The following NLN variants were observed in gnomAD, a reference collection of about 807,000 sequenced individuals.
NLN encodes the protein neurolysin.
In NLN, 64 loss-of-function variants were observed where a neutral mutation model predicts 79.9. The ratio of observed to expected loss-of-function variants is 0.80; its 90% confidence interval spans 0.65 to 0.99. The LOEUF (loss-of-function observed/expected upper bound fraction) is 0.99, where lower values mean the gene tolerates loss of function less well. Ranked by LOEUF, NLN falls within the 50% of genes least tolerant of loss-of-function variation. NLN has a pLI of 0.00. For missense variants in NLN, 835 were observed against 858.7 expected, an observed-to-expected ratio of 0.97 and a Z score of 0.34; for synonymous variants, 267 against 296.6, an observed-to-expected ratio of 0.90 and a Z score of 1.02.
At chr5:65,816,498 T>C (rs893398381) in intron 12 of NLN, among the ~76,000 whole-genome samples, 1 of 151,180 alleles carries the variant, frequency 6.6e-6, no homozygotes, top group Non-Finnish European at 1.5e-5. Context: ...AGTTTACCTA[T>C]GTAACAAACC....
chr5:65,786,097 G>A lies in NLN; in HGVS notation c.958+187G>A, dbSNP rs991949616. The A allele has an allele frequency of 1.3e-5, 6 of 467,430 alleles. No homozygotes were observed. In the Admixed American group the frequency reaches 1.5e-4, roughly 11 times the overall value. 29.0% of individuals were successfully genotyped at this position (467,430 alleles called of 1,614,324 possible). On this transcript the variant is annotated intron_variant, in intron 7 of 12. Coordinates refer to ENST00000380985, the MANE Select transcript of NLN (RefSeq NM_020726.5). The stretch of plus-strand genomic sequence containing the variant: ...GGACTGCTTATTGTTTATATTGCTA[G>A]TATAGGCCTGGCTTCACTGTATCTT...
intron 3 of NLN, among the ~76,000 whole-genome samples, chr5:65,766,210 G>A (rs1234137743): frequency 6.6e-6 from 1 of 152,174 alleles, no homozygotes; most frequent in African/African-American, 2.4e-5. Context: ...CAAGGTGTCT[G>A]TATTTGTCCA....
intron 8 of NLN, 109 bp downstream of exon 8, chr5:65,788,593 TGGGA>T: frequency 8.8e-7 from 1 of 1,139,218 alleles, no homozygotes; most frequent in Non-Finnish European, 1.3e-6. Context: ...CCCAACACTT[TGGGA>T]GGCCAAGGTG....
intron 1 of NLN, among the ~76,000 whole-genome samples, chr5:65,758,221 A>AT (rs1290447657): frequency 1.2e-4 from 18 of 152,104 alleles, no homozygotes; most frequent in African/African-American, 4.3e-4. Context: ...GGGCAACAGA[A>AT]TGAGACCCTG....
chr5:65,737,794 A>G (rs1009529380), intron 1 of NLN, among the ~76,000 whole-genome samples: 1 of 152,180 alleles, frequency 6.6e-6, no homozygotes, highest in African/African-American at 2.4e-5. Context: ...ATTTTATACC[A>G]AAGTTATTTA....
At chr5:65,820,318 A>G (rs1045415255) in intron 12 of NLN, among the ~76,000 whole-genome samples, 29 of 152,230 alleles carry the variant, frequency 1.9e-4, no homozygotes, top group Non-Finnish European at 3.5e-4. Context: ...CGAAATATTG[A>G]TGATTGAGAC....
intron 1 of NLN, among the ~76,000 whole-genome samples, chr5:65,752,385 G>T (rs898273036): frequency 3.3e-5 from 5 of 152,190 alleles, no homozygotes; most frequent in African/African-American, 4.8e-5. Flanking sequence ...TTAGACAACT[G>T]GAATCTCAGA....
intron 2 of NLN, among the ~76,000 whole-genome samples, chr5:65,760,729 T>A (rs1759318614): frequency 1.3e-5 from 2 of 152,258 alleles, no homozygotes; most frequent in Middle Eastern, 6.8e-3. Flanking sequence ...CCCAGGCTGG[T>A]CTCATGTATG....
intron 3 of NLN, among the ~76,000 whole-genome samples, chr5:65,768,780 A>T (rs1237662020): frequency 6.6e-6 from 1 of 152,164 alleles, no homozygotes; most frequent in Admixed American, 6.5e-5. Flanking sequence ...GGGGTACAGG[A>T]AGGCGAGGGG....
chr5:65,809,773 G>A, intron 10 of NLN, 72 bp downstream of exon 10: 1 of 1,220,022 alleles, frequency 8.2e-7, no homozygotes, highest in Non-Finnish European at 1.1e-6. Flanking sequence ...ACCTTCTTCT[G>A]TAGAACTTAT....
chr5:65,772,226 G>A (rs1349867514), intron 3 of NLN, among the ~76,000 whole-genome samples: 1 of 152,148 alleles, frequency 6.6e-6, no homozygotes, highest in East Asian at 1.9e-4. Flanking sequence ...CATGATGTGT[G>A]ATATTGATGT....
intron 1 of NLN, among the ~76,000 whole-genome samples, chr5:65,748,987 C>T (rs1379798594): frequency 1.3e-5 from 2 of 152,114 alleles, no homozygotes; most frequent in African/African-American, 2.4e-5. Flanking sequence ...GTGCTTTTCT[C>T]GTGATAGTGA....
At chr5:65,779,602 G>A (rs1759754520) in intron 4 of NLN, among the ~76,000 whole-genome samples, 1 of 152,180 alleles carries the variant, frequency 6.6e-6, no homozygotes, top group Admixed American at 6.5e-5. Context: ...TTAGAAATTT[G>A]CTAATTGGTA....
At chr5:65,785,964 C>T in intron 7 of NLN, 54 bp downstream of exon 7, 1 of 1,506,692 alleles carries the variant, frequency 6.6e-7, no homozygotes, top group African/African-American at 1.4e-5. Context: ...GTCAACCAGA[C>T]AGAAGGCCTC....
At chr5:65,768,955 A>G (rs1759510207) in intron 3 of NLN, among the ~76,000 whole-genome samples, 1 of 152,256 alleles carries the variant, frequency 6.6e-6, no homozygotes, top group Non-Finnish European at 1.5e-5. Context: ...GAAAGGGCAC[A>G]GTTCAGTCCA....
At chr5:65,787,252 G>A (rs868642086) in intron 7 of NLN, among the ~76,000 whole-genome samples, 39 of 137,156 alleles carry the variant, frequency 2.8e-4, no homozygotes, top group Non-Finnish European at 4.9e-4. Flanking sequence ...ATATATATAT[G>A]TATGTGTGTG....
chr5:65,814,775 A>C (rs892389013), intron 12 of NLN, among the ~76,000 whole-genome samples: 7 of 152,212 alleles, frequency 4.6e-5, no homozygotes, highest in African/African-American at 1.7e-4. Context: ...AAGACAAAAA[A>C]AAGTGGTCTT....
In NLN at chr5:65,780,160, A is replaced by T; in HGVS notation, c.559-19A>T. The T allele has an allele frequency of 9.8e-7, 1 of 1,018,066 alleles. No individual in the cohort carries two copies. Among genetic ancestry groups the T allele is most frequent in the Non-Finnish European group, 1.5e-6 (1 of 650,622 alleles). 63.1% of individuals were successfully genotyped at this position (1,018,066 alleles called of 1,614,324 possible). A position where few individuals can be genotyped will look rare whatever the true frequency, so the allele number is the denominator to read the frequency against. ...TTTCTTTTTATTGCTAATGCCCTGT[A>T]TTTTTATCTTCCTTTCAGGAAATCA... On this transcript the variant is annotated intron_variant, in intron 4 of 12. Coordinates refer to ENST00000380985, the MANE Select transcript of NLN (RefSeq NM_020726.5).
chr5:65,798,964 T>G (rs1760224920), intron 9 of NLN, among the ~76,000 whole-genome samples: 1 of 152,210 alleles, frequency 6.6e-6, no homozygotes, highest in Non-Finnish European at 1.5e-5. Context: ...CACTGTAGCC[T>G]CCACCTCTCC....
Sources: gnomAD v4.1 joint callset for allele counts (sites outside exome capture counted in the v4.1 genomes callset) on GRCh38, gnomAD v4.1.1 for gene constraint, MANE v1.5 for transcripts, NCBI Gene and HGNC (gene_info 2026-07-23, HGNC 2026-07-21) for gene names.